The following SLCO3A1 variants were observed in gnomAD, a reference collection of about 807,000 sequenced individuals.
The protein encoded by SLCO3A1 is solute carrier organic anion transporter family member 3A1.
Under a neutral mutation model 63.1 loss-of-function variants are expected in SLCO3A1, and 27 were observed. The observed-to-expected ratio is 0.43, with a 90% CI of 0.32 to 0.59. The LOEUF (loss-of-function observed/expected upper bound fraction) is 0.59. Among genes scored for constraint, SLCO3A1 ranks in the 20% least tolerant of loss-of-function variants. The pLI, the probability that SLCO3A1 is intolerant of heterozygous loss-of-function variation, is 0.09. For missense variants in SLCO3A1, 773 were observed against 945.8 expected, an observed-to-expected ratio of 0.82 and a Z score of 2.40; for synonymous variants, 473 against 409.9, an observed-to-expected ratio of 1.15 and a Z score of -1.86.
chr15:92,057,393 A>G (rs924689760), intron 2 of SLCO3A1, among the ~76,000 whole-genome samples: 6 of 152,200 alleles, frequency 3.9e-5, no homozygotes, highest in African/African-American at 1.4e-4. Flanking sequence ...TTTCCTGAAG[A>G]TAATGGTTAG....
At chr15:91,913,399 G>C (rs1429535427) in intron 1 of SLCO3A1, among the ~76,000 whole-genome samples, 2 of 152,196 alleles carry the variant, frequency 1.3e-5, no homozygotes, top group African/African-American at 4.8e-5. Flanking sequence ...AGCTTTGAAA[G>C]CGTCCTAGGG....
At chr15:92,097,407 A>C (rs1161814217) in intron 3 of SLCO3A1, among the ~76,000 whole-genome samples, 2 of 152,180 alleles carry the variant, frequency 1.3e-5, no homozygotes, top group Non-Finnish European at 2.9e-5. Flanking sequence ...AGATGGCTGG[A>C]GGGGGCTTAG....
intron 9 of SLCO3A1, among the ~76,000 whole-genome samples, chr15:92,158,483 G>C (rs1306668784): frequency 6.6e-6 from 1 of 152,214 alleles, no homozygotes; most frequent in East Asian, 1.9e-4. Flanking sequence ...AGTGGTTATG[G>C]AGGGGACGCA....
chr15:91,908,324 A>T (rs905990210), intron 1 of SLCO3A1, among the ~76,000 whole-genome samples: 7 of 151,674 alleles, frequency 4.6e-5, no homozygotes, highest in African/African-American at 1.7e-4. Flanking sequence ...AAATGGTTTT[A>T]AAATGGCCCC....
At chr15:92,151,313 GGCATCTTCATTAAGCAAGCCATGA>G (rs1457668995) in intron 9 of SLCO3A1, 1 of 276,766 alleles carries the variant, frequency 3.6e-6, no homozygotes, top group South Asian at 7.2e-5. Context: ...GGTGTAATTT[GGCATCTTCATTAAGCAAGCCATGA>G]GCAGCTTGTG....
chr15:91,951,919 A>G (rs372183314), intron 2 of SLCO3A1, among the ~76,000 whole-genome samples: 11 of 152,258 alleles, frequency 7.2e-5, no homozygotes, highest in Middle Eastern at 3.4e-3. Context: ...GAGAATTGGA[A>G]CTGCTGTGTC....
intron 1 of SLCO3A1, among the ~76,000 whole-genome samples, chr15:91,910,241 GT>G (rs1188507634): frequency 5.3e-5 from 8 of 152,092 alleles, no homozygotes; most frequent in African/African-American, 1.9e-4. Flanking sequence ...ATTGATCTTT[GT>G]TGCATCCCAG....
intron 2 of SLCO3A1, among the ~76,000 whole-genome samples, chr15:91,975,683 C>T (rs570873621): frequency 4.6e-5 from 7 of 152,250 alleles, no homozygotes; most frequent in Non-Finnish European, 8.8e-5. Context: ...GTCAGACGTG[C>T]GTCTGCACTG....
chr15:91,881,497 C>T (rs1302980939), intron 1 of SLCO3A1, among the ~76,000 whole-genome samples: 2 of 151,822 alleles, frequency 1.3e-5, no homozygotes, highest in Middle Eastern at 3.2e-3. Flanking sequence ...TTTTCTTTAT[C>T]GTGCAGTTTA....
intron 2 of SLCO3A1, among the ~76,000 whole-genome samples, chr15:92,007,080 C>A (rs978372073): frequency 6.6e-6 from 1 of 152,192 alleles, no homozygotes; most frequent in Admixed American, 6.5e-5. Context: ...ACGAACTAAG[C>A]AACATTTCCA....
chr15:92,151,792 G>A lies in SLCO3A1; in HGVS notation c.1753+778G>A, dbSNP rs926231390. On this transcript the variant is annotated intron_variant, in intron 9 of 9. Coordinates refer to ENST00000318445, the MANE Select transcript of SLCO3A1 (RefSeq NM_013272.4). ...AGTGGACTTTAAGTGGCATCTGAAT[G>A]TAGAAAGGAAAACAACCATGACCTG... 2.0e-5 allele frequency among the ~76,000 whole-genome samples: 3 copies of A among 152,334 alleles called. No individual in the cohort carries two copies. The East Asian group carries it at 5.8e-4, about 29-fold the overall frequency.
At chr15:92,004,363 A>T (rs2046289600) in intron 2 of SLCO3A1, among the ~76,000 whole-genome samples, 1 of 152,238 alleles carries the variant, frequency 6.6e-6, no homozygotes, top group Non-Finnish European at 1.5e-5. Context: ...ATTAAGTGAG[A>T]TAATGTATGC....
chr15:91,943,954 C>A (rs1471495846), intron 2 of SLCO3A1, among the ~76,000 whole-genome samples: 2 of 152,316 alleles, frequency 1.3e-5, no homozygotes, highest in East Asian at 3.9e-4. Context: ...CGGTGGGTCC[C>A]TTGGCTCTGC....
intron 2 of SLCO3A1, among the ~76,000 whole-genome samples, chr15:91,982,532 C>G (rs1172566686): frequency 1.3e-5 from 2 of 152,190 alleles, no homozygotes; most frequent in African/African-American, 4.8e-5. Flanking sequence ...GGTGGACATT[C>G]CAAAATGAGA....
rs1042676089 is a variant in SLCO3A1, at chr15:91,882,469, G to T, written c.180+28381G>T. The stretch of plus-strand genomic sequence containing the variant: ...GAGGGACATGAAATTTGCTAATACG[G>T]TATAGATTTGGGGGCCTCCACCCCC... On this transcript the variant is annotated intron_variant, in intron 1 of 9. Transcript: ENST00000318445. This position sits in a 1 kb window ranked among gnomAD's most constrained non-coding sequence, Gnocchi z 4.4. Among the ~76,000 whole-genome samples the T allele has an allele frequency of 1.2e-4, 18 of 152,098 alleles. No homozygotes were observed. Among genetic ancestry groups the T allele is most frequent in the African/African-American group, 4.3e-4 (18 of 41,404 alleles).
rs148430739 is a variant in SLCO3A1, at chr15:92,057,639, C to T, written c.647-37242C>T. On this transcript the variant is annotated intron_variant, in intron 2 of 9. Coordinates refer to ENST00000318445, the MANE Select transcript of SLCO3A1 (RefSeq NM_013272.4). ...AGAATCCAGCCCCATCCAGACCCAG[C>T]GCTTGAGCCTCCAGACATTGACCAG... Among the ~76,000 whole-genome samples the T allele has an allele frequency of 1.8e-3, 273 of 152,302 alleles. 1 individual carries two copies. The highest frequency in any genetic ancestry group is 6.2e-3 in the African/African-American group (259 of 41,568).
intron 8 of SLCO3A1, among the ~76,000 whole-genome samples, chr15:92,147,633 C>G (rs527929135): frequency 1.2e-4 from 19 of 152,256 alleles, no homozygotes; most frequent in African/African-American, 4.6e-4. Flanking sequence ...CATGTGTGTG[C>G]AAACACATAG....
rs139195706 is a variant in SLCO3A1, at chr15:91,878,609, C to T, written c.180+24521C>T. ...GAATGGCATCGTGACAGGGACAGAT[C>T]AGCATTCCTACCACACTCTGTTATG... On this transcript the variant is annotated intron_variant, in intron 1 of 9. Transcript: ENST00000318445. Among the ~76,000 whole-genome samples, 316 of 152,258 alleles carry T rather than the reference C, an allele frequency of 2.1e-3. 4 individuals are homozygous for T. The highest frequency in any genetic ancestry group is 7.2e-3 in the African/African-American group (298 of 41,546).
intron 2 of SLCO3A1, among the ~76,000 whole-genome samples, chr15:91,986,484 T>C (rs574310521): frequency 6.6e-6 from 1 of 151,936 alleles, no homozygotes; most frequent in South Asian, 2.1e-4. Context: ...TTTTTTAAAG[T>C]ATGCAGAAAG....
Sources: gnomAD v4.1 joint callset for allele counts (sites outside exome capture counted in the v4.1 genomes callset) on GRCh38, gnomAD v4.1.1 for gene constraint, Gnocchi (gnomAD v3.1) non-coding constraint, MANE v1.5 for transcripts, NCBI Gene and HGNC (gene_info 2026-07-23, HGNC 2026-07-21) for gene names.